HDAC4: variants seen among roughly 807,000 people sequenced by gnomAD.
HDAC4 encodes the protein histone deacetylase A.
HDAC4 carries 16 observed loss-of-function variants against 135.1 expected under a neutral mutation model. That is an observed-to-expected ratio of 0.12 (90% CI 0.08 to 0.18). The LOEUF is 0.18. HDAC4 is among the 10% of genes least tolerant of loss of function. The probability of loss-of-function intolerance (pLI) is 1.00; values close to 1 mark genes in which losing one functional copy is unlikely to be tolerated. For missense variants in HDAC4, 1,143 were observed against 1,511.8 expected (o/e 0.76, Z 4.05); for synonymous variants, 685 against 653.4 (o/e 1.05, Z -0.74).
At chr2:239,361,266 T>C (rs1041073070) in intron 1 of HDAC4, among the ~76,000 whole-genome samples, 21 of 152,188 alleles carry the variant, frequency 1.4e-4, no homozygotes, top group Non-Finnish European at 2.9e-4. Context: ...TGGATTCCCC[T>C]CAGAAACTAC....
chr2:239,095,815 A>G (rs889294194), intron 16 of HDAC4, among the ~76,000 whole-genome samples: 2 of 152,266 alleles, frequency 1.3e-5, no homozygotes, highest in African/African-American at 4.8e-5. Flanking sequence ...TGTGGAGGAC[A>G]AGAGACCCCC....
chr2:239,070,908 T>C (rs994706544), intron 22 of HDAC4, among the ~76,000 whole-genome samples: 2 of 149,652 alleles, frequency 1.3e-5, no homozygotes, highest in Non-Finnish European at 3.0e-5. Context: ...AATCTAACCA[T>C]GTCAATGCAG....
intron 3 of HDAC4, among the ~76,000 whole-genome samples, chr2:239,220,418 T>C (rs2046882236): frequency 6.6e-6 from 1 of 150,662 alleles, no homozygotes; most frequent in South Asian, 2.1e-4. Context: ...AATTAAAGCA[T>C]ACACTGTGCA....
chr2:239,061,317 C>T (rs2032684419), intron 24 of HDAC4, among the ~76,000 whole-genome samples: 1 of 148,606 alleles, frequency 6.7e-6, no homozygotes, highest in South Asian at 2.1e-4. Flanking sequence ...GTGGTGTGTG[C>T]ATGCACAAGA....
chr2:239,095,216 G>C (rs1234226718), intron 16 of HDAC4, among the ~76,000 whole-genome samples, 160 bp from the exon 17 acceptor site: 1 of 152,200 alleles, frequency 6.6e-6, no homozygotes, highest in Non-Finnish European at 1.5e-5. Flanking sequence ...CCTGCTGCAG[G>C]GTCAGTGTCT....
At chr2:239,193,681 G>A (rs11685604) in intron 3 of HDAC4, among the ~76,000 whole-genome samples, 31,667 of 152,162 alleles carry the variant, frequency 0.21, 3,672 homozygotes, top group African/African-American at 0.33. Context: ...CCAAGAGCGC[G>A]AGGGGAAGCA....
chr2:239,288,657 C>T (rs1047180253), intron 2 of HDAC4, among the ~76,000 whole-genome samples: 3 of 149,942 alleles, frequency 2.0e-5, no homozygotes, highest in African/African-American at 7.3e-5. Flanking sequence ...CAAGGGAAAA[C>T]TTAATTAAAA....
chr2:239,211,638 G>A (rs148893728), intron 3 of HDAC4, among the ~76,000 whole-genome samples: 129 of 152,310 alleles, frequency 8.5e-4, no homozygotes, highest in African/African-American at 3.1e-3. Context: ...TGAAGCAAGG[G>A]CTGTGGTTTC....
chr2:239,141,695 T>C lies in HDAC4; in HGVS notation c.866-1899A>G, dbSNP rs1269283127. Reference sequence around the variant, plus strand: ...AGCTGTCTCCAGCTACACACCAAGATCCAGCAGATCTTCCCTGTAATGGGT... The same window carrying C: ...AGCTGTCTCCAGCTACACACCAAGACCCAGCAGATCTTCCCTGTAATGGGT... On this transcript the variant is annotated intron_variant, in intron 8 of 26. Transcript: ENST00000543185. The surrounding 1 kb of genome is among the most constrained non-coding windows in gnomAD (Gnocchi z 4.9). 6.6e-6 allele frequency among the ~76,000 whole-genome samples: 1 copy of C among 152,160 alleles called. No homozygotes were observed. The highest frequency in any genetic ancestry group is 1.5e-5 in the Non-Finnish European group (1 of 68,032).
intron 3 of HDAC4, among the ~76,000 whole-genome samples, chr2:239,234,045 CACCTA>C (rs1328717692): frequency 6.6e-6 from 1 of 152,194 alleles, no homozygotes; most frequent in Non-Finnish European, 1.5e-5. Context: ...TTCCAGTTAT[CACCTA>C]ACCTGAGATT....
intron 2 of HDAC4, among the ~76,000 whole-genome samples, chr2:239,290,274 A>G (rs1229918007): frequency 6.6e-6 from 1 of 152,204 alleles, no homozygotes; most frequent in Non-Finnish European, 1.5e-5. Flanking sequence ...CTAATTCCTT[A>G]ACTATAAAGA....
At chr2:239,230,922 A>G (rs998555455) in intron 3 of HDAC4, among the ~76,000 whole-genome samples, 3 of 152,230 alleles carry the variant, frequency 2.0e-5, no homozygotes, top group Non-Finnish European at 4.4e-5. Flanking sequence ...CATGAGCTCC[A>G]GGCACCAGCC....
At chr2:239,388,364 A>C (rs1695967375) in intron 1 of HDAC4, among the ~76,000 whole-genome samples, 1 of 152,204 alleles carries the variant, frequency 6.6e-6, no homozygotes, top group Admixed American at 6.5e-5. Flanking sequence ...CTAACACACC[A>C]CTTGCCCGCA....
intron 1 of HDAC4, among the ~76,000 whole-genome samples, chr2:239,370,639 C>T (rs760497017): frequency 2.0e-5 from 3 of 152,210 alleles, no homozygotes; most frequent in Non-Finnish European, 2.9e-5. Context: ...TGATCCTGCA[C>T]AGCGGCCTCC....
At chr2:239,379,222 C>T (rs115938642) in intron 1 of HDAC4, among the ~76,000 whole-genome samples, 3,189 of 152,018 alleles carry the variant, frequency 0.021, 58 homozygotes, top group Middle Eastern at 0.048. Context: ...GGGGAGTGGG[C>T]GCTGGGGGTG....
At chr2:239,360,409 C>A (rs1235264070) in intron 1 of HDAC4, among the ~76,000 whole-genome samples, 1 of 152,210 alleles carries the variant, frequency 6.6e-6, no homozygotes. Flanking sequence ...GTAGCTCCAA[C>A]AGCCACAGAC....
intron 2 of HDAC4, among the ~76,000 whole-genome samples, chr2:239,289,175 G>T (rs1178025833): frequency 6.6e-6 from 1 of 152,166 alleles, no homozygotes; most frequent in African/African-American, 2.4e-5. Flanking sequence ...AATGAGAAAA[G>T]AAAATGAAAC....
intron 3 of HDAC4, among the ~76,000 whole-genome samples, chr2:239,222,127 C>T (rs1052178991): frequency 6.6e-6 from 1 of 152,186 alleles, no homozygotes; most frequent in Admixed American, 6.5e-5. Flanking sequence ...AGATCAGAAA[C>T]GCCTCCCTTC....
chr2:239,090,050 C>T lies in HDAC4; in HGVS notation c.2347G>A (p.Val783Met), dbSNP rs149333882. 3.0e-5 allele frequency: 49 copies of T among 1,613,796 alleles called. 1 individual carries two copies. The highest frequency in any genetic ancestry group is 1.6e-4 in the South Asian group (15 of 91,096). ...GCCACCTTGAAGACCAGCTCTACCACGCAGCCCACAGCCAGGCGGGCTGCC... is the reference window on the plus strand; with the variant it reads ...GCCACCTTGAAGACCAGCTCTACCATGCAGCCCACAGCCAGGCGGGCTGCC... Reference protein sequence around the residue: ...AGAARLAVGCVVELVFKVATG... With the variant: ...AGAARLAVGCMVELVFKVATG... Residue 783 changes from valine to methionine, a missense_variant, in exon 18 of 27, where the codon GTG becomes ATG. Coordinates refer to ENST00000543185, the MANE Select transcript of HDAC4 (RefSeq NM_001378414.1).
Sources: gnomAD v4.1 joint callset for allele counts (sites outside exome capture counted in the v4.1 genomes callset) on GRCh38, gnomAD v4.1.1 for gene constraint, Gnocchi (gnomAD v3.1) non-coding constraint, MANE v1.5 for transcripts, NCBI Gene and HGNC (gene_info 2026-07-23, HGNC 2026-07-21) for gene names.